Variants in UBQLN4 observed in about 807,000 individuals in gnomAD.
UBQLN4 encodes the protein ubiquilin 4.
Under a neutral mutation model 60.4 loss-of-function variants are expected in UBQLN4, and 11 were observed. The observed-to-expected ratio is 0.18, with a 90% CI of 0.11 to 0.30. The LOEUF is 0.30. Among genes scored for constraint, UBQLN4 ranks in the 10% least tolerant of loss-of-function variants. UBQLN4 has a pLI of 1.00. For missense variants in UBQLN4, 417 were observed against 795.5 expected (o/e 0.52, Z 5.72); for synonymous variants, 258 against 313.1 (o/e 0.82, Z 1.86).
intron 5 of UBQLN4, among the ~76,000 whole-genome samples, chr1:156,047,626 T>G (rs1372425790): frequency 1.3e-5 from 2 of 151,310 alleles, no homozygotes; most frequent in East Asian, 3.9e-4. Context: ...CCAGGCGCGG[T>G]GGCTCACTCC....
At chr1:156,038,002 G>C (rs992489458) in intron 10 of UBQLN4, among the ~76,000 whole-genome samples, 2 of 152,166 alleles carry the variant, frequency 1.3e-5, no homozygotes, top group African/African-American at 4.8e-5. Flanking sequence ...TATCTCCTGG[G>C]CTCAGGTGAT....
chr1:156,042,013 C>A (rs373993762), intron 8 of UBQLN4, 26 bp from the exon 9 acceptor site: 95 of 1,613,502 alleles, frequency 5.9e-5, no homozygotes, highest in Non-Finnish European at 7.9e-5. Flanking sequence ...CAGAGAAAGG[C>A]ATCAAGAGGT....
At chr1:156,042,015 T>A (rs1277012797) in intron 8 of UBQLN4, 28 bp from the exon 9 acceptor site, 1 of 1,613,496 alleles carries the variant, frequency 6.2e-7, no homozygotes, top group Non-Finnish European at 8.5e-7. Flanking sequence ...GAGAAAGGCA[T>A]CAAGAGGTGG....
At position 156,050,260 on chromosome 1, in the gene UBQLN4, TC is replaced by T. The variant is rs1558090516; in HGVS notation, c.741+30del. 11 of 1,529,708 alleles carry T rather than the reference TC, an allele frequency of 7.2e-6. No homozygotes were observed. Among genetic ancestry groups the T allele is most frequent in the Non-Finnish European group, 8.8e-6 (10 of 1,134,170 alleles). The allele number at this position is 1,529,708 out of a possible 1,614,324, so 94.8% of individuals were successfully genotyped here. On this transcript the variant is annotated intron_variant, in intron 4 of 10. Coordinates refer to ENST00000368309, the MANE Select transcript of UBQLN4 (RefSeq NM_020131.5). The surrounding 1 kb of genome is among the most constrained non-coding windows in gnomAD (Gnocchi z 4.6). Reference sequence around the variant, plus strand: ...GGCAGGGCACGGCTGGGCACCAGTGTCCTCCAGCTCTCCAGCCCTCTCATAC... The same window carrying T: ...GGCAGGGCACGGCTGGGCACCAGTGTCTCCAGCTCTCCAGCCCTCTCATAC...
At chr1:156,047,712 G>A (rs566707286) in intron 5 of UBQLN4, among the ~76,000 whole-genome samples, 22 of 150,934 alleles carry the variant, frequency 1.5e-4, no homozygotes, top group African/African-American at 5.3e-4. Context: ...TGGCTAACAT[G>A]GTGAAACCCC....
rs780122617 is a variant in UBQLN4, at chr1:156,053,693, C to T, written c.9G>A (p.Glu3=). The change falls in exon 1 of 11, where the codon GAG becomes GAA. Residue 3 remains glutamate, a synonymous_variant. Coordinates refer to ENST00000368309, the MANE Select transcript of UBQLN4 (RefSeq NM_020131.5). ...GGGGCCTCGTCTCGGCCCCGCTCGGCTCCGCCATGCCGCCGCCGCCACCCG... is the reference window on the plus strand; with the variant it reads ...GGGGCCTCGTCTCGGCCCCGCTCGGTTCCGCCATGCCGCCGCCGCCACCCG... MA[E]PSGAETRPPI... is the part of the protein sequence containing the mutation. 1.2e-5 allele frequency: 15 copies of T among 1,288,928 alleles called. No homozygotes were observed. The highest frequency in any genetic ancestry group is 1.5e-5 in the Non-Finnish European group (15 of 1,013,292). The allele number at this position is 1,288,928 out of a possible 1,614,324, so 79.8% of individuals were successfully genotyped here.
chr1:156,042,102 C>T (rs1189606201), intron 8 of UBQLN4, 51 bp downstream of exon 8: 3 of 1,609,574 alleles, frequency 1.9e-6, no homozygotes, highest in Non-Finnish European at 2.5e-6. Flanking sequence ...CATTGGGCTT[C>T]AGGGACTACC....
chr1:156,051,005 T>C (rs569784584), intron 3 of UBQLN4, 105 bp downstream of exon 3: 17 of 1,146,188 alleles, frequency 1.5e-5, no homozygotes, highest in African/African-American at 9.2e-5. Flanking sequence ...TGGGGTCCCC[T>C]ATCCCCATCA....
rs964861563 is a variant in UBQLN4 at position 156,042,927 on chromosome 1, G to A, written c.1127-14C>T. The A allele has an allele frequency of 1.2e-6, 2 of 1,609,906 alleles. No homozygotes were observed. Among genetic ancestry groups the A allele is most frequent in the South Asian group, 1.1e-5 (1 of 90,700 alleles). ...TATTGAACATCCCTAGGACAAGGCG[G>A]AAAAAAAGAAAACAGGAGAGAAAGG... On this transcript the variant is annotated splice_polypyrimidine_tract_variant and intron_variant, in intron 6 of 10. Transcript: ENST00000368309.
rs1409905900 is a variant in UBQLN4 at position 156,048,404 on chromosome 1, G to A, written c.900+97C>T. The A allele has an allele frequency of 2.1e-6, 3 of 1,426,950 alleles. No individual in the cohort carries two copies. The highest frequency in any genetic ancestry group is 2.8e-6 in the Non-Finnish European group (3 of 1,058,594). 88.4% of individuals were successfully genotyped at this position (1,426,950 alleles called of 1,614,324 possible). ...CCAAGGCCCACCCCTCAGGGGACTG[G>A]GGAAAGAAAGAAGAGCAGGCCCAGG... is the stretch of plus-strand genomic sequence containing the variant. On this transcript the variant is annotated intron_variant, in intron 5 of 10. Transcript: ENST00000368309. This position sits in a 1 kb window ranked among gnomAD's most constrained non-coding sequence, Gnocchi z 4.9.
chr1:156,036,077 T>C lies in UBQLN4; in HGVS notation c.*901A>G. 1.0e-6 allele frequency: 1 copy of C among 985,592 alleles called. No homozygotes were observed. Among genetic ancestry groups the C allele is most frequent in the Non-Finnish European group, 1.2e-6 (1 of 829,950 alleles). The allele number at this position is 985,592 out of a possible 1,614,324, so 61.1% of individuals were successfully genotyped here. ...CATATGCTTGAGGAACTAAAGCCAA[T>C]ATGACCCCTTGTGGGGCGTGGCGCT... On this transcript the variant is annotated 3_prime_UTR_variant, in exon 11 of 11. Transcript: ENST00000368309.
At chr1:156,037,272 G>T (rs1572267875) in intron 10 of UBQLN4, 142 bp from the exon 11 acceptor site, 1 of 1,074,796 alleles carries the variant, frequency 9.3e-7, no homozygotes, top group Admixed American at 2.8e-5. Context: ...TGCAAATGGG[G>T]GCCCAGGAGC....
At chr1:156,047,397 T>C (rs1683732689) in intron 5 of UBQLN4, among the ~76,000 whole-genome samples, 1 of 151,418 alleles carries the variant, frequency 6.6e-6, no homozygotes, top group South Asian at 2.1e-4. Context: ...GCATGTGCCA[T>C]CATGCCCGGC....
At chr1:156,037,180 C>T in intron 10 of UBQLN4, 50 bp from the exon 11 acceptor site, 6 of 1,589,036 alleles carry the variant, frequency 3.8e-6, no homozygotes, top group Non-Finnish European at 4.3e-6. Context: ...TCTTGGGGGC[C>T]CTATTTGAAT....
In UBQLN4 at chr1:156,048,660, C is replaced by T. The variant is rs1683779829; in HGVS notation, c.742-1G>A. On this transcript the variant is annotated splice_acceptor_variant, in intron 4 of 10. Transcript: ENST00000368309. LOFTEE classifies it high-confidence loss of function. This position sits in a 1 kb window ranked among gnomAD's most constrained non-coding sequence, Gnocchi z 4.9. ...CTGGATTCCGAGCAAGCTCCATTGT[C>T]TGATCAAGGGAGAGAGACAAAATGG... 1 of 1,613,490 alleles carries T rather than the reference C, an allele frequency of 6.2e-7. No homozygotes were observed. Among genetic ancestry groups the T allele is most frequent in the Middle Eastern group, 1.7e-4 (1 of 6,060 alleles).
rs763139237 is a variant in UBQLN4, at chr1:156,042,726, A to G, written c.1266+48T>C. 6 of 1,597,702 alleles carry G rather than the reference A, an allele frequency of 3.8e-6. No homozygotes were observed. In the East Asian group the frequency reaches 1.1e-4, roughly 30 times the overall value. On this transcript the variant is annotated intron_variant, in intron 7 of 10. Transcript: ENST00000368309. ...TGACCACAAGAAACTGCCCCCAACC[A>G]AGAGGAACTCTCTCCCCAACAATAC...
intron 5 of UBQLN4, among the ~76,000 whole-genome samples, chr1:156,046,726 C>T (rs916421384): frequency 2.0e-5 from 3 of 151,388 alleles, no homozygotes; most frequent in Admixed American, 1.3e-4. Flanking sequence ...CCTGCAGTCC[C>T]GGCTACTCAG....
chr1:156,035,922 T>C lies in UBQLN4; in HGVS notation c.*1056A>G, dbSNP rs1683388051. On this transcript the variant is annotated 3_prime_UTR_variant, in exon 11 of 11. Transcript: ENST00000368309. Reference sequence around the variant, plus strand: ...GTGTATGCACACATGTGGATACACATGCACCTCCCCACTACTCACACAGAC... The same window carrying C: ...GTGTATGCACACATGTGGATACACACGCACCTCCCCACTACTCACACAGAC... 12 of 985,372 alleles carry C rather than the reference T, an allele frequency of 1.2e-5. No homozygotes were observed. The highest frequency in any genetic ancestry group is 6.1e-5 in the Admixed American group (1 of 16,262). The allele number at this position is 985,372 out of a possible 1,614,324, so 61.0% of individuals were successfully genotyped here.
chr1:156,051,961 T>G, intron 1 of UBQLN4, 104 bp from the exon 2 acceptor site: 13 of 1,436,156 alleles, frequency 9.1e-6, no homozygotes, highest in East Asian at 2.4e-5. Context: ...CTCTCATCTC[T>G]AGTCATGGGA....
Sources: allele counts gnomAD v4.1 joint callset (sites outside exome capture counted in the v4.1 genomes callset), GRCh38; gene constraint gnomAD v4.1.1; non-coding constraint Gnocchi (gnomAD v3.1); transcripts MANE v1.5; gene names NCBI Gene and HGNC (gene_info 2026-07-23, HGNC 2026-07-21).